Variants in ANKRD44 observed in about 807,000 individuals in gnomAD.
The protein encoded by ANKRD44 is serine/threonine-protein phosphatase 6 regulatory ankyrin repeat subunit B.
Under a neutral mutation model 116.0 loss-of-function variants are expected in ANKRD44, and 35 were observed. The observed-to-expected ratio is 0.30, with a 90% CI of 0.23 to 0.40. The LOEUF is 0.40. Among genes scored for constraint, ANKRD44 ranks in the 10% least tolerant of loss-of-function variants. The pLI, the probability that ANKRD44 is intolerant of heterozygous loss-of-function variation, is 1.00. For synonymous variants in ANKRD44, 435 were observed against 461.8 expected, an observed-to-expected ratio of 0.94 and a Z score of 0.74; for missense variants, 1,014 against 1,242.6, an observed-to-expected ratio of 0.82 and a Z score of 2.77.
intron 8 of ANKRD44, among the ~76,000 whole-genome samples, chr2:197,114,343 T>C (rs942754218): frequency 1.2e-4 from 19 of 152,350 alleles, no homozygotes; most frequent in Admixed American, 6.5e-4. Context: ...GAAATTATTG[T>C]TATTTTGATA....
chr2:197,101,976 C>T (rs2078304193), intron 9 of ANKRD44, among the ~76,000 whole-genome samples: 1 of 152,034 alleles, frequency 6.6e-6, no homozygotes. Flanking sequence ...CTTATCCCTT[C>T]CTCTTCATCC....
intron 4 of ANKRD44, among the ~76,000 whole-genome samples, chr2:197,133,589 T>C (rs2079141029): frequency 6.6e-6 from 1 of 152,170 alleles, no homozygotes; most frequent in African/African-American, 2.4e-5. Flanking sequence ...GAAGAAATGG[T>C]TTCAAACACA....
At chr2:197,263,825 A>C (rs2105743205) in intron 1 of ANKRD44, among the ~76,000 whole-genome samples, 1 of 152,300 alleles carries the variant, frequency 6.6e-6, no homozygotes, top group African/African-American at 2.4e-5. Flanking sequence ...CTATAGTAAC[A>C]GAAGCCTTAG....
intron 10 of ANKRD44, chr2:197,099,526 G>C: frequency 1.8e-6 from 2 of 1,108,278 alleles, no homozygotes; most frequent in Non-Finnish European, 2.2e-6. Context: ...TGAAGCATTG[G>C]GAAGGACAGA....
At chr2:197,073,983 C>CA (rs954460653) in intron 16 of ANKRD44, among the ~76,000 whole-genome samples, 19 of 151,390 alleles carry the variant, frequency 1.3e-4, no homozygotes, top group Admixed American at 3.3e-4. Flanking sequence ...TGCCACATTA[C>CA]AAAAAAAATG....
intron 17 of ANKRD44, among the ~76,000 whole-genome samples, chr2:197,024,959 G>A (rs182372095): frequency 1.6e-4 from 25 of 152,238 alleles, no homozygotes; most frequent in Admixed American, 1.3e-3. Flanking sequence ...CCCTCATTTC[G>A]CAGATGGGGA....
At chr2:197,232,123 A>G (rs1363561080) in intron 1 of ANKRD44, among the ~76,000 whole-genome samples, 1 of 152,128 alleles carries the variant, frequency 6.6e-6, no homozygotes, top group Admixed American at 6.5e-5. Flanking sequence ...TTCTTAAGAA[A>G]CCCAATGTTC....
chr2:197,122,655 C>T lies in ANKRD44; in HGVS notation c.688G>A (p.Val230Met), dbSNP rs745580445. 3 of 1,613,574 alleles carry T rather than the reference C, an allele frequency of 1.9e-6. No individual in the cohort carries two copies. The highest frequency in any genetic ancestry group is 1.3e-5 in the African/African-American group (1 of 74,920). ...ATGCATTCATCATAGCTCACCTCCA[C>T]CCCCAGGTTCAGGAGATGCTTGACA... is the stretch of plus-strand genomic sequence containing the variant. ...NVVKHLLNLG[V>M]EIDEINVYGN... The change falls in exon 7 of 28, where the codon GTG (valine) becomes ATG (methionine). Residue 230 changes from valine (V) to methionine (M), a missense_variant. By Grantham distance (21) the Val-to-Met change is conservative (BLOSUM62 1). Transcript: ENST00000282272.
chr2:197,300,921 A>C (rs924161725), intron 1 of ANKRD44: 1 of 151,672 alleles, frequency 6.6e-6, no homozygotes, highest in Non-Finnish European at 1.5e-5. Context: ...TTGCCACCAC[A>C]CCTGACTAAT....
Position 196,996,835 on chromosome 2 carries a change from CG to C in ANKRD44, c.2749-1375del, listed in dbSNP as rs560308951. 1.9e-4 allele frequency among the ~76,000 whole-genome samples: 25 copies of C among 134,412 alleles called. No homozygotes were observed. In the South Asian group the frequency reaches 5.6e-3, roughly 30 times the overall value. 88.2% of individuals were successfully genotyped at this position (134,412 alleles called of 152,430 possible). A position where few individuals can be genotyped will look rare whatever the true frequency, so the allele number is the denominator to read the frequency against. The stretch of plus-strand genomic sequence containing the variant: ...AGGAGAATCACTTGAACTTGGGAGG[CG>C]GAGGTTGCAGTGGGCCAAGATTGCG... On this transcript the variant is annotated intron_variant, in intron 25 of 27. Transcript: ENST00000282272.
chr2:197,105,908 A>G (rs559265848), intron 9 of ANKRD44, among the ~76,000 whole-genome samples: 3 of 152,316 alleles, frequency 2.0e-5, no homozygotes, highest in African/African-American at 7.2e-5. Context: ...CCCAGACTGC[A>G]GAGAAGTCTG....
intron 1 of ANKRD44, among the ~76,000 whole-genome samples, chr2:197,252,116 G>C (rs1388697416): frequency 6.6e-6 from 1 of 152,022 alleles, no homozygotes; most frequent in African/African-American, 2.4e-5. Flanking sequence ...AGTATCTTCA[G>C]ATTTTGTTTT....
chr2:197,085,566 C>A (rs1275799214), intron 13 of ANKRD44, among the ~76,000 whole-genome samples: 1 of 152,160 alleles, frequency 6.6e-6, no homozygotes, highest in African/African-American at 2.4e-5. Context: ...ACCAAGAAGG[C>A]AACAGGAATG....
intron 2 of ANKRD44, among the ~76,000 whole-genome samples, chr2:197,186,250 C>T (rs891133601): frequency 6.6e-6 from 1 of 152,146 alleles, no homozygotes; most frequent in Non-Finnish European, 1.5e-5. Context: ...TCTATTATCA[C>T]TGACTTCTGA....
intron 18 of ANKRD44, among the ~76,000 whole-genome samples, chr2:197,011,503 A>G (rs2076300925): frequency 6.8e-6 from 1 of 147,370 alleles, no homozygotes; most frequent in Non-Finnish European, 1.5e-5. Flanking sequence ...GGTAGAGTCT[A>G]GCTCTGTTGC....
At chr2:197,123,868 G>T (rs988832919) in intron 6 of ANKRD44, among the ~76,000 whole-genome samples, 2 of 151,926 alleles carry the variant, frequency 1.3e-5, no homozygotes, top group Non-Finnish European at 2.9e-5. Flanking sequence ...AATTTTTTTC[G>T]ATTATTAGTG....
chr2:197,283,058 A>G (rs577908139), intron 1 of ANKRD44, among the ~76,000 whole-genome samples: 2 of 152,342 alleles, frequency 1.3e-5, no homozygotes, highest in East Asian at 3.9e-4. Flanking sequence ...AGAAGAGAAC[A>G]TCATAGGAAT....
chr2:197,285,123 GCC>G, intron 1 of ANKRD44, among the ~76,000 whole-genome samples: 2 of 151,722 alleles, frequency 1.3e-5, no homozygotes, highest in South Asian at 4.2e-4. Context: ...GAATCCCTCA[GCC>G]CACCCACATC....
chr2:196,999,876 A>G (rs1404198391), intron 23 of ANKRD44, among the ~76,000 whole-genome samples: 1 of 152,130 alleles, frequency 6.6e-6, no homozygotes, highest in Non-Finnish European at 1.5e-5. Context: ...TACAGGCGTG[A>G]GCCACTGTAC....
Sources: gnomAD v4.1 joint callset for allele counts (sites outside exome capture counted in the v4.1 genomes callset) on GRCh38, gnomAD v4.1.1 for gene constraint, MANE v1.5 for transcripts, NCBI Gene and HGNC (gene_info 2026-07-23, HGNC 2026-07-21) for gene names.